The following PHLPP1 variants were observed in gnomAD, a reference collection of about 807,000 sequenced individuals.
PHLPP1 encodes PH domain and leucine rich repeat protein phosphatase 1, also known as PH domain leucine-rich repeat-containing protein phosphatase 1.
PHLPP1 carries 42 observed loss-of-function variants against 117.2 expected under a neutral mutation model. That is an observed-to-expected ratio of 0.36 (90% CI 0.28 to 0.46). The LOEUF is 0.46. PHLPP1 is among the 20% of genes least tolerant of loss of function. PHLPP1 has a pLI of 1.00. For missense variants in PHLPP1, 2,084 were observed against 2,241.9 expected (o/e 0.93, Z 1.42); for synonymous variants, 1,042 against 970.7 (o/e 1.07, Z -1.37).
chr18:62,776,577 A>G (rs926744212), intron 1 of PHLPP1, among the ~76,000 whole-genome samples: 1 of 149,932 alleles, frequency 6.7e-6, no homozygotes, highest in African/African-American at 2.4e-5. Flanking sequence ...CCCATGTTGT[A>G]TTCAGTAGTT....
chr18:62,968,674 A>G (rs1910970600), intron 14 of PHLPP1, among the ~76,000 whole-genome samples: 1 of 150,180 alleles, frequency 6.7e-6, no homozygotes, highest in Non-Finnish European at 1.5e-5. Flanking sequence ...AGTAGTTGGG[A>G]CTGCAGGTGT....
At chr18:62,905,163 A>C (rs1916814516) in intron 7 of PHLPP1, 61 bp from the exon 8 acceptor site, 1 of 1,035,108 alleles carries the variant, frequency 9.7e-7, no homozygotes, top group Non-Finnish European at 1.3e-6. Context: ...CCACATACAA[A>C]AAGAGTCTCT....
intron 12 of PHLPP1, among the ~76,000 whole-genome samples, chr18:62,947,007 C>T (rs1361426234): frequency 1.3e-5 from 2 of 152,140 alleles, no homozygotes; most frequent in African/African-American, 2.4e-5. Flanking sequence ...GAGCCGAGAT[C>T]GTGCCACTGC....
intron 4 of PHLPP1, among the ~76,000 whole-genome samples, chr18:62,878,002 G>A (rs1048059459): frequency 1.3e-5 from 2 of 152,194 alleles, no homozygotes; most frequent in African/African-American, 4.8e-5. Context: ...AAGGGAGAGA[G>A]GCTGGTATCT....
intron 1 of PHLPP1, among the ~76,000 whole-genome samples, chr18:62,821,216 G>A (rs998204953): frequency 9.9e-5 from 15 of 152,178 alleles, no homozygotes; most frequent in African/African-American, 3.6e-4. Context: ...GAGCACTTGA[G>A]TGCAAGAGTC....
At chr18:62,882,800 G>C (rs1276198514) in intron 4 of PHLPP1, among the ~76,000 whole-genome samples, 2 of 151,872 alleles carry the variant, frequency 1.3e-5, no homozygotes, top group African/African-American at 4.8e-5. Context: ...TTTTACCCAA[G>C]CTTTTCTATT....
intron 10 of PHLPP1, among the ~76,000 whole-genome samples, chr18:62,935,171 T>C (rs1400992147): frequency 6.6e-6 from 1 of 152,192 alleles, no homozygotes; most frequent in African/African-American, 2.4e-5. Flanking sequence ...CAACAAAGTA[T>C]TTCAACAAAG....
intron 1 of PHLPP1, among the ~76,000 whole-genome samples, chr18:62,727,963 A>ATGTGT (rs1448559343): frequency 3.3e-5 from 5 of 151,968 alleles, no homozygotes; most frequent in Non-Finnish European, 7.4e-5. Context: ...TATTGCTTCT[A>ATGTGT]TGTGTATTTT....
At chr18:62,925,020 G>T (rs1051441511) in intron 10 of PHLPP1, among the ~76,000 whole-genome samples, 8 of 151,604 alleles carry the variant, frequency 5.3e-5, no homozygotes, top group African/African-American at 1.9e-4. Flanking sequence ...TAGATCATGG[G>T]CCTAGATTTC....
chr18:62,928,506 C>T (rs1490142286), intron 10 of PHLPP1, among the ~76,000 whole-genome samples: 1 of 152,156 alleles, frequency 6.6e-6, no homozygotes, highest in East Asian at 1.9e-4. Context: ...ATCAAAAACA[C>T]AGTAACAAAT....
At chr18:62,858,100 T>C (rs1224862166) in intron 3 of PHLPP1, among the ~76,000 whole-genome samples, 1 of 152,146 alleles carries the variant, frequency 6.6e-6, no homozygotes, top group Non-Finnish European at 1.5e-5. Context: ...TATTTAATGG[T>C]GAAAATTCAC....
chr18:62,802,963 T>C (rs1477042186), intron 1 of PHLPP1, among the ~76,000 whole-genome samples: 3 of 151,976 alleles, frequency 2.0e-5, no homozygotes, highest in African/African-American at 4.8e-5. Flanking sequence ...TCAGTGAGGG[T>C]TGAATAAAGG....
At chr18:62,947,637 C>G (rs758079136) in intron 12 of PHLPP1, among the ~76,000 whole-genome samples, 2 of 152,102 alleles carry the variant, frequency 1.3e-5, no homozygotes, top group Non-Finnish European at 2.9e-5. Context: ...ATTTGCTGGT[C>G]TTAGTGTCTG....
At chr18:62,779,037 C>G (rs573089036) in intron 1 of PHLPP1, among the ~76,000 whole-genome samples, 2 of 152,272 alleles carry the variant, frequency 1.3e-5, no homozygotes, top group South Asian at 4.1e-4. Context: ...TAATTAGACC[C>G]TGTCATGCTC....
intron 1 of PHLPP1, among the ~76,000 whole-genome samples, chr18:62,762,211 G>C (rs757297733): frequency 6.6e-6 from 1 of 151,186 alleles, no homozygotes; most frequent in Non-Finnish European, 1.5e-5. Context: ...AGTTCAGGTC[G>C]TCACTCATCT....
At chr18:62,952,966 T>C (rs563866278) in intron 12 of PHLPP1, among the ~76,000 whole-genome samples, 1 of 152,328 alleles carries the variant, frequency 6.6e-6, no homozygotes, top group East Asian at 1.9e-4. Context: ...ACTGTGACTC[T>C]CAGGTCTGTG....
At chr18:62,953,480 G>A (rs2144469177) in intron 12 of PHLPP1, among the ~76,000 whole-genome samples, 1 of 152,262 alleles carries the variant, frequency 6.6e-6, no homozygotes, top group Non-Finnish European at 1.5e-5. Context: ...AGGCCTCTCT[G>A]GGGTCTTGTT....
At chr18:62,932,176 G>A (rs1053316894) in intron 10 of PHLPP1, among the ~76,000 whole-genome samples, 2 of 152,068 alleles carry the variant, frequency 1.3e-5, no homozygotes, top group African/African-American at 2.4e-5. Flanking sequence ...ATTCACATCC[G>A]AATTCTACCA....
chr18:62,899,229 T>C (rs1005098013), intron 6 of PHLPP1, among the ~76,000 whole-genome samples: 1 of 152,182 alleles, frequency 6.6e-6, no homozygotes, highest in Non-Finnish European at 1.5e-5. Context: ...TCACCATAGA[T>C]AATTTAAGCA....
Sources: allele counts gnomAD v4.1 joint callset (sites outside exome capture counted in the v4.1 genomes callset), GRCh38; gene constraint gnomAD v4.1.1; transcripts MANE v1.5; gene names NCBI Gene and HGNC (gene_info 2026-07-23, HGNC 2026-07-21).